RNF111: variants seen among roughly 807,000 people sequenced by gnomAD.
RNF111 encodes the protein E3 ubiquitin-protein ligase Arkadia.
RNF111 carries 17 observed loss-of-function variants against 95.1 expected under a neutral mutation model. That is an observed-to-expected ratio of 0.18 (90% CI 0.12 to 0.27). The LOEUF (loss-of-function observed/expected upper bound fraction) is 0.27. Ranked by LOEUF, RNF111 falls within the 10% of genes least tolerant of loss-of-function variation. The pLI is 1.00. For missense variants in RNF111, 1,189 were observed against 1,210.4 expected, an observed-to-expected ratio of 0.98 and a Z score of 0.26; for synonymous variants, 440 against 414.8, an observed-to-expected ratio of 1.06 and a Z score of -0.74.
chr15:59,075,845 C>G, intron 6 of RNF111, 109 bp from the exon 7 acceptor site: 1 of 1,215,996 alleles, frequency 8.2e-7, no homozygotes, highest in Non-Finnish European at 1.1e-6. Context: ...TGGTTTCAAA[C>G]TAATTTAAAG....
chr15:59,079,539 A>G (rs773429284), intron 7 of RNF111, among the ~76,000 whole-genome samples: 1 of 152,252 alleles, frequency 6.6e-6, no homozygotes, highest in Non-Finnish European at 1.5e-5. Flanking sequence ...GAATGAATCA[A>G]AAGCATTAAA....
chr15:59,035,258 A>T (rs1484014883), intron 2 of RNF111, among the ~76,000 whole-genome samples: 1 of 152,214 alleles, frequency 6.6e-6, no homozygotes, highest in African/African-American at 2.4e-5. Context: ...GGATACAGCC[A>T]GACCATATCA....
intron 6 of RNF111, among the ~76,000 whole-genome samples, chr15:59,069,215 A>G (rs2042803697): frequency 6.6e-6 from 1 of 152,154 alleles, no homozygotes; most frequent in Non-Finnish European, 1.5e-5. Context: ...CTTGGTATTA[A>G]TGGATTGTCC....
At chr15:58,996,485 G>A (rs986877566) in intron 1 of RNF111, among the ~76,000 whole-genome samples, 1 of 151,868 alleles carries the variant, frequency 6.6e-6, no homozygotes, top group African/African-American at 2.4e-5. Context: ...GGTGGCTGGA[G>A]CAGGAGAATC....
chr15:59,058,032 C>G (rs771169916), intron 4 of RNF111, among the ~76,000 whole-genome samples: 2 of 152,174 alleles, frequency 1.3e-5, no homozygotes, highest in Non-Finnish European at 2.9e-5. Context: ...TAGTAAGGAA[C>G]TTTTATTTCC....
chr15:59,065,802 G>A (rs1375089728), intron 5 of RNF111, among the ~76,000 whole-genome samples: 1 of 152,094 alleles, frequency 6.6e-6, no homozygotes, highest in East Asian at 1.9e-4. Context: ...AGCTCTGGAA[G>A]GAGCTTAAGA....
intron 2 of RNF111, among the ~76,000 whole-genome samples, chr15:59,046,923 A>G (rs1596191137): frequency 6.6e-6 from 1 of 152,120 alleles, no homozygotes; most frequent in Non-Finnish European, 1.5e-5. Context: ...GCTGGAGTAC[A>G]ATGGCACAGT....
At chr15:59,082,242 C>A (rs1206370694) in intron 8 of RNF111, among the ~76,000 whole-genome samples, 1 of 151,904 alleles carries the variant, frequency 6.6e-6, no homozygotes, top group Non-Finnish European at 1.5e-5. Flanking sequence ...ACCATATGAC[C>A]CAGGCTAATT....
chr15:59,042,143 GAGAC>G (rs1173864882), intron 2 of RNF111, among the ~76,000 whole-genome samples: 51 of 148,572 alleles, frequency 3.4e-4, no homozygotes, highest in Non-Finnish European at 6.8e-4. Context: ...TTCTTTTTTT[GAGAC>G]AGGATCTCAC....
intron 8 of RNF111, among the ~76,000 whole-genome samples, chr15:59,081,666 T>A (rs1314908321): frequency 6.6e-6 from 1 of 152,180 alleles, no homozygotes; most frequent in Non-Finnish European, 1.5e-5. Flanking sequence ...AAAGCTGAGC[T>A]ATGACTGTGC....
At chr15:59,090,232 G>T (rs1596315055) in intron 11 of RNF111, among the ~76,000 whole-genome samples, 2 of 150,576 alleles carry the variant, frequency 1.3e-5, no homozygotes, top group Non-Finnish European at 3.0e-5. Context: ...TTGTTTGTTT[G>T]TTGTTGTTGT....
At chr15:59,062,070 T>TTC (rs1555396795) in intron 5 of RNF111, among the ~76,000 whole-genome samples, 12 of 147,650 alleles carry the variant, frequency 8.1e-5, no homozygotes, top group East Asian at 1.9e-4. Context: ...TTTTTTTTTT[T>TTC]CCCCGAGACA....
At chr15:59,041,328 G>T (rs1292395908) in intron 2 of RNF111, among the ~76,000 whole-genome samples, 2 of 152,120 alleles carry the variant, frequency 1.3e-5, no homozygotes, top group African/African-American at 4.8e-5. Context: ...GGCCGAGGCG[G>T]GTGGATCATG....
At chr15:59,067,255 AACTC>A (rs1566927697) in intron 6 of RNF111, among the ~76,000 whole-genome samples, 172 bp downstream of exon 6, 6 of 66,278 alleles carry the variant, frequency 9.1e-5, no homozygotes, top group African/African-American at 2.6e-4. Context: ...TTTTTTTTTT[AACTC>A]CCTCCCATTC....
At chr15:59,036,104 A>G (rs1473523716) in intron 2 of RNF111, among the ~76,000 whole-genome samples, 3 of 151,748 alleles carry the variant, frequency 2.0e-5, no homozygotes, top group African/African-American at 7.3e-5. Flanking sequence ...AGACAGTCTT[A>G]CTCTGTGGCC....
At chr15:59,087,143 T>C (rs1210399946) in intron 10 of RNF111, among the ~76,000 whole-genome samples, 6 of 152,176 alleles carry the variant, frequency 3.9e-5, no homozygotes, top group Non-Finnish European at 8.8e-5. Context: ...TCCAAAGATA[T>C]TTGGGTTAAA....
intron 13 of RNF111, among the ~76,000 whole-genome samples, chr15:59,093,763 A>G (rs750909745): frequency 2.0e-5 from 3 of 152,088 alleles, no homozygotes; most frequent in Non-Finnish European, 4.4e-5. Flanking sequence ...GCCCTAATTT[A>G]TAAGGATAAC....
intron 1 of RNF111, among the ~76,000 whole-genome samples, chr15:59,023,055 TG>T (rs544933802): frequency 1.0e-3 from 154 of 152,212 alleles, no homozygotes; most frequent in Admixed American, 2.5e-3. Context: ...GAGACCAGCC[TG>T]GCCAACGTGG....
At position 59,081,244 on chromosome 15, in the gene RNF111, A is replaced by T; in HGVS notation, c.2257A>T (p.Arg753Trp). The change falls in exon 8 of 14, where the codon AGG becomes TGG. Residue 753 changes from arginine to tryptophan, a missense_variant. By Grantham distance (101) the Arg-to-Trp change is moderately radical. Around this residue, in one of 2 missense-constraint regions of RNF111, gnomAD observed 1,024 missense variants for 925.9 expected, o/e 1.11. Coordinates refer to ENST00000348370, the MANE Select transcript of RNF111 (RefSeq NM_017610.8). Reference protein sequence around the residue: ...QRLHPHEVMQRMEVQRRRMMQ... With the variant: ...QRLHPHEVMQWMEVQRRRMMQ... Reference sequence around the variant, plus strand: ...ACTGCATCCTCATGAAGTGATGCAGAGGATGGAAGTTCAAAGGAGGAGGAT... The same window carrying T: ...ACTGCATCCTCATGAAGTGATGCAGTGGATGGAAGTTCAAAGGAGGAGGAT... The T allele has an allele frequency of 6.8e-6, 11 of 1,614,152 alleles. No homozygotes were observed. The highest frequency in any genetic ancestry group is 9.3e-6 in the Non-Finnish European group (11 of 1,180,020).
Sources: gnomAD v4.1 joint callset for allele counts (sites outside exome capture counted in the v4.1 genomes callset) on GRCh38, gnomAD v4.1.1 for gene constraint, gnomAD v4.1.1 regional missense constraint, MANE v1.5 for transcripts, NCBI Gene and HGNC (gene_info 2026-07-23, HGNC 2026-07-21) for gene names.